Variants in TSEN15 observed in about 807,000 individuals in gnomAD.
The protein encoded by TSEN15 is tRNA-splicing endonuclease subunit Sen15.
A neutral mutation model predicts 20.5 loss-of-function variants in TSEN15; 10 were observed. That is an observed-to-expected ratio of 0.49 (90% CI 0.30 to 0.83). TSEN15 has a LOEUF of 0.83. TSEN15 is among the 40% of genes least tolerant of loss of function. The pLI is 0.06. For missense variants in TSEN15, 180 were observed against 218.6 expected (o/e 0.82, Z 1.11); for synonymous variants, 72 against 80.1 (o/e 0.90, Z 0.54).
chr1:184,076,698 C>G (rs759389349), downstream of TSEN15, among the ~76,000 whole-genome samples: 15 of 152,196 alleles, frequency 9.9e-5, no homozygotes, highest in East Asian at 3.9e-4. Context: ...AAGTGCTACT[C>G]CAGTGAACAC....
intron 3 of TSEN15, among the ~76,000 whole-genome samples, chr1:184,067,646 A>G (rs1299128512): frequency 1.3e-5 from 2 of 152,098 alleles, no homozygotes; most frequent in African/African-American, 4.8e-5. Flanking sequence ...TGCCAGGCAC[A>G]GTGGCTCACG....
intron 3 of TSEN15, among the ~76,000 whole-genome samples, chr1:184,083,670 A>G (rs909324567): frequency 2.6e-5 from 4 of 152,020 alleles, no homozygotes; most frequent in Non-Finnish European, 5.9e-5. Flanking sequence ...TCATTAGAAA[A>G]CTTGGTTCCT....
downstream of TSEN15, among the ~76,000 whole-genome samples, chr1:184,075,219 C>G (rs1201867350): frequency 6.6e-6 from 1 of 152,028 alleles, no homozygotes; most frequent in Non-Finnish European, 1.5e-5. Context: ...GGGATGTTTA[C>G]TCTATTTCAG....
intron 3 of TSEN15, among the ~76,000 whole-genome samples, chr1:184,061,552 T>TTAAC (rs1215955259): frequency 6.6e-6 from 1 of 152,214 alleles, no homozygotes; most frequent in Admixed American, 6.5e-5. Context: ...ATTTACATAG[T>TTAAC]TAACTACAAC....
downstream of TSEN15, among the ~76,000 whole-genome samples, chr1:184,075,907 TATA>T (rs765923682): frequency 2.5e-4 from 27 of 107,334 alleles, no homozygotes; most frequent in African/African-American, 8.9e-4. Flanking sequence ...TATATATATA[TATA>T]TTTTTTTTTT....
At chr1:184,095,233 A>G in intron 3 of TSEN15, 1 of 396,978 alleles carries the variant, frequency 2.5e-6, no homozygotes, top group East Asian at 3.6e-5. Context: ...GCTATGAGCA[A>G]CCCCCATATT....
intron 3 of TSEN15, among the ~76,000 whole-genome samples, chr1:184,080,503 A>G (rs2102900773): frequency 6.6e-6 from 1 of 152,312 alleles, no homozygotes; most frequent in East Asian, 1.9e-4. Flanking sequence ...GGAAAAAATT[A>G]TTCAGTCCTG....
chr1:184,065,650 A>G (rs1021142998), intron 3 of TSEN15, among the ~76,000 whole-genome samples: 1 of 152,198 alleles, frequency 6.6e-6, no homozygotes, highest in Non-Finnish European at 1.5e-5. Context: ...TTCACTCAGC[A>G]ATATGTATCC....
intron 3 of TSEN15, among the ~76,000 whole-genome samples, chr1:184,060,781 CAGTT>C (rs67757286): frequency 0.29 from 43,549 of 151,808 alleles, 6,821 homozygotes; most frequent in East Asian, 0.47. Flanking sequence ...ACCACGGTCT[CAGTT>C]AGCCTCACAG....
intron 3 of TSEN15, among the ~76,000 whole-genome samples, chr1:184,065,871 G>A (rs1650635849): frequency 1.3e-5 from 2 of 152,112 alleles, no homozygotes; most frequent in Non-Finnish European, 2.9e-5. Context: ...TAAGTTTCAA[G>A]ACTTCTGTGT....
rs1364305661 is a variant in TSEN15 at position 184,073,296 on chromosome 1, C to G, written c.*449C>G. The G allele has an allele frequency of 6.4e-6, 1 of 155,206 alleles. No homozygotes were observed. Among genetic ancestry groups the G allele is most frequent in the African/African-American group, 2.4e-5 (1 of 41,616 alleles). The allele number at this position is 155,206 out of a possible 1,614,324, so 9.6% of individuals were successfully genotyped here. On this transcript the variant is annotated 3_prime_UTR_variant, in exon 5 of 5. Coordinates refer to ENST00000645668, the MANE Select transcript of TSEN15 (RefSeq NM_052965.4). ...GGCATTTTATATGTACCTTGTCACC[C>G]ACTTCTGTTTACTTTTTCCTCTCCA...
chr1:184,092,268 A>G lies in TSEN15; in HGVS notation c.354-3422A>G, dbSNP rs189144130. ...GATTGGAAAAGCATTATTGTTCTCA[A>G]CCCATAGAAGGTATCACTGAAAAAG... On this transcript the variant is annotated intron_variant, in intron 3 of 3. Coordinates refer to the TSEN15 transcript ENST00000643231. 1.2e-4 allele frequency among the ~76,000 whole-genome samples: 18 copies of G among 152,314 alleles called. No individual in the cohort carries two copies. In the East Asian group the frequency reaches 3.5e-3, roughly 29 times the overall value.
In TSEN15 at chr1:184,087,030, TC is replaced by T. The variant is rs1240767939; in HGVS notation, c.354-8659del. ...TCACTTAAAAGGGACTGTATAAAAT[TC>T]TAGATACTATGGATTACTGTAGGAA... On this transcript the variant is annotated intron_variant, in intron 3 of 3. Transcript: ENST00000643231. 8.5e-5 allele frequency among the ~76,000 whole-genome samples: 13 copies of T among 152,144 alleles called. No individual in the cohort carries two copies. The East Asian group carries it at 2.1e-3, about 25-fold the overall frequency.
intron 3 of TSEN15, among the ~76,000 whole-genome samples, chr1:184,084,209 A>T (rs1651218789): frequency 6.6e-6 from 1 of 152,074 alleles, no homozygotes; most frequent in South Asian, 2.1e-4. Context: ...TCTATCAATG[A>T]TCCTTCCCTT....
At chr1:184,070,356 C>T (rs1650837908) in intron 3 of TSEN15, among the ~76,000 whole-genome samples, 1 of 151,978 alleles carries the variant, frequency 6.6e-6, no homozygotes, top group South Asian at 2.1e-4. Flanking sequence ...GTCCCATTCT[C>T]ATCACAGTCT....
intron 3 of TSEN15, among the ~76,000 whole-genome samples, chr1:184,085,296 T>A (rs1346936454): frequency 6.6e-6 from 1 of 152,054 alleles, no homozygotes; most frequent in Admixed American, 6.6e-5. Context: ...ATGAATAAAT[T>A]AAAAAACATG....
At chr1:184,051,927 C>A in intron 1 of TSEN15, 37 bp downstream of exon 1, 1 of 1,484,006 alleles carries the variant, frequency 6.7e-7, no homozygotes. Context: ...GCCGTCCAGG[C>A]CCCTAACCCA....
chr1:184,051,960 C>A (rs900821994), intron 1 of TSEN15, 70 bp downstream of exon 1: 28 of 1,329,944 alleles, frequency 2.1e-5, no homozygotes, highest in Admixed American at 6.5e-5. Flanking sequence ...CCAGGCAGCT[C>A]TCTTTCTTTC....
intron 3 of TSEN15, among the ~76,000 whole-genome samples, chr1:184,086,772 A>C (rs1651269195): frequency 6.6e-6 from 1 of 152,176 alleles, no homozygotes. Flanking sequence ...AGCTAGAGAG[A>C]GCACGAGAGA....
Sources: allele counts gnomAD v4.1 joint callset (sites outside exome capture counted in the v4.1 genomes callset), GRCh38; gene constraint gnomAD v4.1.1; transcripts MANE v1.5; gene names NCBI Gene and HGNC (gene_info 2026-07-23, HGNC 2026-07-21).